PCDH15: variants seen among roughly 807,000 people sequenced by gnomAD.
PCDH15 encodes the protein protocadherin related 15, also known as protocadherin-15.
A neutral mutation model predicts 178.5 loss-of-function variants in PCDH15; 129 were observed. The observed-to-expected ratio is 0.72, with a 90% confidence interval of 0.63 to 0.84. The LOEUF is 0.84. PCDH15 is among the 40% of genes least tolerant of loss of function. The pLI is 0.00. For missense variants in PCDH15, 2,230 were observed against 2,099.9 expected (o/e 1.06, Z -1.21); for synonymous variants, 800 against 732.0 (o/e 1.09, Z -1.50).
At position 55,195,676 on chromosome 10, in the gene PCDH15, G is replaced by C. The variant is rs533537574; in HGVS notation, c.-155-29025C>G. On this transcript the variant is annotated intron_variant, in intron 1 of 5. Transcript: ENST00000458638. ...TCTAAAAAAAAAAAAAAAAAAAGTAGTAAAGGAGACATGCGTGATAGATTT... is the reference window on the plus strand; with the variant it reads ...TCTAAAAAAAAAAAAAAAAAAAGTACTAAAGGAGACATGCGTGATAGATTT... Among the ~76,000 whole-genome samples the C allele has an allele frequency of 3.6e-3, 525 of 146,230 alleles. 8 individuals carry two copies. The highest frequency in any genetic ancestry group is 0.02 in the South Asian group (91 of 4,662).
chr10:55,047,993 A>G (rs1438626969), intron 2 of PCDH15, among the ~76,000 whole-genome samples: 1 of 151,880 alleles, frequency 6.6e-6, no homozygotes, highest in Non-Finnish European at 1.5e-5. Context: ...ATGGCTTATC[A>G]GTACTATGCA....
chr10:54,988,135 C>T (rs765995520), intron 2 of PCDH15, among the ~76,000 whole-genome samples: 11 of 152,134 alleles, frequency 7.2e-5, no homozygotes, highest in Non-Finnish European at 1.5e-4. Context: ...TTCACCATTG[C>T]TTGCTTTTGT....
At chr10:55,622,023 T>A (rs1250627222) in intron 2 of PCDH15, among the ~76,000 whole-genome samples, 1 of 141,258 alleles carries the variant, frequency 7.1e-6, no homozygotes, top group African/African-American at 2.6e-5. Flanking sequence ...AATAAATATT[T>A]ATATATGTAT....
chr10:54,929,492 A>T (rs1369891373), intron 2 of PCDH15, among the ~76,000 whole-genome samples: 1 of 152,198 alleles, frequency 6.6e-6, no homozygotes, highest in African/African-American at 2.4e-5. Context: ...ACTATTAATC[A>T]TATAGTCACT....
chr10:55,205,165 A>C (rs1009509300), intron 1 of PCDH15, among the ~76,000 whole-genome samples: 7 of 152,206 alleles, frequency 4.6e-5, no homozygotes, highest in African/African-American at 1.7e-4. Flanking sequence ...AAGAAATATT[A>C]AAATAAACCA....
At chr10:54,674,823 C>T (rs2094752046) in intron 1 of PCDH15, among the ~76,000 whole-genome samples, 1 of 151,898 alleles carries the variant, frequency 6.6e-6, no homozygotes, top group African/African-American at 2.4e-5. Context: ...CTCATGTTGT[C>T]CAAGGGTCAA....
chr10:53,969,472 G>A (rs2089430202), intron 21 of PCDH15, among the ~76,000 whole-genome samples: 2 of 152,106 alleles, frequency 1.3e-5, no homozygotes, highest in South Asian at 4.1e-4. Context: ...AACCTAACAA[G>A]GCAGGCCAAC....
chr10:54,378,673 G>C, intron 4 of PCDH15, 109 bp downstream of exon 4: 1 of 1,269,044 alleles, frequency 7.9e-7, no homozygotes, highest in Non-Finnish European at 1.1e-6. Flanking sequence ...GCTATACTCA[G>C]GAAATAAACT....
At chr10:54,032,439 A>G (rs746359101) in intron 18 of PCDH15, among the ~76,000 whole-genome samples, 9 of 151,926 alleles carry the variant, frequency 5.9e-5, no homozygotes, top group African/African-American at 1.7e-4. Flanking sequence ...TCTTTTTGCA[A>G]TGACATAGGT....
intron 1 of PCDH15, among the ~76,000 whole-genome samples, chr10:54,786,130 T>C (rs1007040961): frequency 5.3e-5 from 8 of 152,004 alleles, no homozygotes; most frequent in African/African-American, 1.4e-4. Flanking sequence ...ATAATCACCG[T>C]CAGTTATAAT....
chr10:54,098,526 CT>C (rs1478909406), intron 15 of PCDH15, among the ~76,000 whole-genome samples: 1 of 152,048 alleles, frequency 6.6e-6, no homozygotes, highest in Non-Finnish European at 1.5e-5. Context: ...CCCAATTATT[CT>C]TAGTTTTTAT....
chr10:53,823,104 T>A, intron 32 of PCDH15: 1 of 1,614,102 alleles, frequency 6.2e-7, no homozygotes, highest in Non-Finnish European at 8.5e-7. Flanking sequence ...CTGTGAAATG[T>A]CTGAATTTGT....
At chr10:55,283,850 A>G (rs1842797283) in intron 1 of PCDH15, among the ~76,000 whole-genome samples, 1 of 152,128 alleles carries the variant, frequency 6.6e-6, no homozygotes, top group Admixed American at 6.6e-5. Context: ...GTGGAAAAAG[A>G]AGAACAACTC....
intron 2 of PCDH15, among the ~76,000 whole-genome samples, chr10:55,401,922 G>GA (rs1565101024): frequency 6.6e-6 from 1 of 151,944 alleles, no homozygotes; most frequent in Non-Finnish European, 1.5e-5. Context: ...ATGCTACCCT[G>GA]AAAAATAATT....
At chr10:55,154,355 A>G (rs1411254741) in intron 2 of PCDH15, among the ~76,000 whole-genome samples, 1 of 152,184 alleles carries the variant, frequency 6.6e-6, no homozygotes, top group African/African-American at 2.4e-5. Context: ...ACGTGTATTC[A>G]TGTATATGAA....
chr10:54,150,091 C>A (rs1282696577), intron 14 of PCDH15, among the ~76,000 whole-genome samples: 2 of 152,032 alleles, frequency 1.3e-5, no homozygotes, highest in Non-Finnish European at 2.9e-5. Flanking sequence ...GAAGTAAACT[C>A]TTCCAAGTGT....
At chr10:54,751,160 A>G (rs974067662) in intron 1 of PCDH15, among the ~76,000 whole-genome samples, 4 of 152,160 alleles carry the variant, frequency 2.6e-5, no homozygotes, top group African/African-American at 9.6e-5. Flanking sequence ...TAGTTTTCAA[A>G]GTATCATTTA....
Position 54,056,431 on chromosome 10 carries a change from G to A in PCDH15, c.2220+10326C>T, listed in dbSNP as rs139627770. Among the ~76,000 whole-genome samples, 713 of 152,306 alleles carry A rather than the reference G, an allele frequency of 4.7e-3. 5 individuals carry two copies. The highest frequency in any genetic ancestry group is 0.016 in the African/African-American group (670 of 41,556). ...AAGCCTCGCAATCATGGCAGAAGGT[G>A]AATGAGGAGCAAAGTCACACCTTAC... is the stretch of plus-strand genomic sequence containing the variant. On this transcript the variant is annotated intron_variant, in intron 18 of 37. Coordinates refer to ENST00000644397, the MANE Select transcript of PCDH15 (RefSeq NM_001384140.1).
At chr10:55,481,841 T>C (rs1840188360) in intron 2 of PCDH15, among the ~76,000 whole-genome samples, 2 of 151,910 alleles carry the variant, frequency 1.3e-5, no homozygotes, top group South Asian at 4.1e-4. Context: ...TCTATGTGTC[T>C]ATCAGGTGCA....
Sources: allele counts gnomAD v4.1 joint callset (sites outside exome capture counted in the v4.1 genomes callset), GRCh38; gene constraint gnomAD v4.1.1; transcripts MANE v1.5; gene names NCBI Gene and HGNC (gene_info 2026-07-23, HGNC 2026-07-21).